The following SLC9A1 variants were observed in gnomAD, a reference collection of about 807,000 sequenced individuals.
The protein encoded by SLC9A1 is sodium/hydrogen exchanger 1.
Under a neutral mutation model 67.9 loss-of-function variants are expected in SLC9A1, and 22 were observed. The ratio of observed to expected loss-of-function variants is 0.32; its 90% CI spans 0.23 to 0.46. The LOEUF is 0.46. Ranked by LOEUF, SLC9A1 falls within the 20% of genes least tolerant of loss-of-function variation. The pLI, the probability that SLC9A1 is intolerant of heterozygous loss-of-function variation, is 1.00. For synonymous variants in SLC9A1, 421 were observed against 471.8 expected, an observed-to-expected ratio of 0.89 and a Z score of 1.40; for missense variants, 686 against 1,094.8, an observed-to-expected ratio of 0.63 and a Z score of 5.27.
At chr1:27,144,268 T>C (rs771866516) in intron 1 of SLC9A1, among the ~76,000 whole-genome samples, 2 of 152,190 alleles carry the variant, frequency 1.3e-5, no homozygotes, top group Non-Finnish European at 2.9e-5. Context: ...AGGAAAAGCT[T>C]AATTCAATTA....
At chr1:27,146,966 T>C (rs987475660) in intron 1 of SLC9A1, among the ~76,000 whole-genome samples, 3 of 151,718 alleles carry the variant, frequency 2.0e-5, no homozygotes, top group Non-Finnish European at 1.5e-5. Flanking sequence ...CGAAAACCCA[T>C]CTCTACTAAA....
At chr1:27,119,429 G>C (rs1248759358) in intron 1 of SLC9A1, among the ~76,000 whole-genome samples, 1 of 152,146 alleles carries the variant, frequency 6.6e-6, no homozygotes, top group Admixed American at 6.5e-5. Flanking sequence ...CTGCTCTGGG[G>C]CTGCAACTCG....
chr1:27,154,177 C>T lies in SLC9A1; in HGVS notation c.158G>A (p.Arg53Gln). The T allele has an allele frequency of 6.2e-7, 1 of 1,614,120 alleles. No individual in the cohort carries two copies. Among genetic ancestry groups the T allele is most frequent in the Non-Finnish European group, 8.5e-7 (1 of 1,180,002 alleles). Residue 53 changes from arginine (R) to glutamine (Q), a missense_variant, in exon 1 of 12, where the codon CGA becomes CAA. Arg to Gln is a conservative substitution (Grantham distance 43, BLOSUM62 1). This residue lies in a region of SLC9A1 where 143 missense variants were observed against 166.7 expected (regional missense o/e 0.86). Transcript: ENST00000263980. ...ASTIRSSEPP[R>Q]ERSIGDVTTA... ...GGTGACATCCCCAATCGAGCGTTCT[C>T]GTGGTGGCTCTGAGCTTCGAATGGT...
intron 1 of SLC9A1, among the ~76,000 whole-genome samples, chr1:27,131,884 G>A (rs1319289962): frequency 7.0e-6 from 1 of 143,222 alleles, no homozygotes; most frequent in Non-Finnish European, 1.5e-5. Flanking sequence ...CGGCACCACT[G>A]CATTCTAGCC....
At chr1:27,143,046 T>TAA (rs55970751) in intron 1 of SLC9A1, among the ~76,000 whole-genome samples, 1,190 of 98,386 alleles carry the variant, frequency 0.012, 12 homozygotes, top group Middle Eastern at 0.017. Flanking sequence ...ATCAACTGTG[T>TAA]AAAAAAAAAA....
rs1362046847 is a variant in SLC9A1, at chr1:27,106,343, G to A, written c.1283-256C>T. Among the ~76,000 whole-genome samples, 3 of 152,242 alleles carry A rather than the reference G, an allele frequency of 2.0e-5. No homozygotes were observed. The East Asian group carries it at 5.8e-4, about 29-fold the overall frequency. On this transcript the variant is annotated intron_variant, in intron 4 of 11. Coordinates refer to ENST00000263980, the MANE Select transcript of SLC9A1 (RefSeq NM_003047.5). The surrounding 1 kb of genome is among the most constrained non-coding windows in gnomAD (Gnocchi z 4.3). Reference sequence around the variant, plus strand: ...GAGGCCTCCAGTGGCTGGAGGGCTGGGGGCAGGAAGAGGGAGAAAAGATCA... The same window carrying A: ...GAGGCCTCCAGTGGCTGGAGGGCTGAGGGCAGGAAGAGGGAGAAAAGATCA...
intron 1 of SLC9A1, among the ~76,000 whole-genome samples, chr1:27,141,707 A>T (rs1271635628): frequency 6.6e-6 from 1 of 152,212 alleles, no homozygotes; most frequent in Non-Finnish European, 1.5e-5. Context: ...GGCAGTGCTC[A>T]GTCAGGGAAG....
At position 27,103,252 on chromosome 1, in the gene SLC9A1, G is replaced by A; in HGVS notation, c.1546C>T (p.Arg516Cys). ...LAVKKKQETK[R>C]SINEEIHTQF... ...GTGTGGATCTCTTCGTTGATGGAGC[G>A]CTTCGTCTCTTGCTTTTTCTTCACA... The change falls in exon 6 of 12, where the codon CGC (arginine) becomes TGC (cysteine). Residue 516 changes from arginine to cysteine, a missense_variant. Arg to Cys is a radical substitution (Grantham distance 180, BLOSUM62 -3). Transcript: ENST00000263980. 1.9e-6 allele frequency: 3 copies of A among 1,607,128 alleles called. No individual in the cohort carries two copies. Among genetic ancestry groups the A allele is most frequent in the South Asian group, 1.1e-5 (1 of 90,510 alleles).
At chr1:27,120,768 G>A (rs190306907) in intron 1 of SLC9A1, among the ~76,000 whole-genome samples, 25 of 152,140 alleles carry the variant, frequency 1.6e-4, no homozygotes, top group Admixed American at 8.5e-4. Context: ...CCAGCACCCA[G>A]GAGACAAACA....
chr1:27,103,992 G>C (rs967363471), intron 5 of SLC9A1: 1 of 151,688 alleles, frequency 6.6e-6, no homozygotes, highest in Admixed American at 6.6e-5. Context: ...AAAATCATTA[G>C]CACATACAAC....
Position 27,140,794 on chromosome 1 carries a change from C to T in SLC9A1, c.352+13189G>A, listed in dbSNP as rs138561242. ...TTTCAGACGATCAGTCTTGCTACTCCAGCTAGGTGGGGTAACATAACATAA... is the reference window on the plus strand; with the variant it reads ...TTTCAGACGATCAGTCTTGCTACTCTAGCTAGGTGGGGTAACATAACATAA... On this transcript the variant is annotated intron_variant, in intron 1 of 11. Coordinates refer to ENST00000263980, the MANE Select transcript of SLC9A1 (RefSeq NM_003047.5). 1.6e-3 allele frequency among the ~76,000 whole-genome samples: 239 copies of T among 152,278 alleles called. 1 individual carries two copies. The highest frequency in any genetic ancestry group is 5.3e-3 in the African/African-American group (222 of 41,554).
chr1:27,146,883 C>A (rs1166011461), intron 1 of SLC9A1, among the ~76,000 whole-genome samples: 2 of 152,160 alleles, frequency 1.3e-5, no homozygotes, highest in Non-Finnish European at 2.9e-5. Context: ...TGTCTGTAAT[C>A]CCAGCACTTT....
intron 5 of SLC9A1, 69 bp downstream of exon 5, chr1:27,105,816 C>T (rs1557738057): frequency 7.4e-7 from 1 of 1,343,930 alleles, no homozygotes; most frequent in African/African-American, 1.4e-5. Context: ...CACACGCTTT[C>T]CTCTCTTTCC....
chr1:27,117,816 G>C (rs989967410), intron 1 of SLC9A1, among the ~76,000 whole-genome samples: 1 of 152,190 alleles, frequency 6.6e-6, no homozygotes, highest in Non-Finnish European at 1.5e-5. Flanking sequence ...GTCTCAAACC[G>C]GTAGCAGAGA....
At chr1:27,103,823 C>T in intron 5 of SLC9A1, 1 of 160,614 alleles carries the variant, frequency 6.2e-6, no homozygotes, top group Non-Finnish European at 1.4e-5. Flanking sequence ...GAGGTCCTTC[C>T]ATTGTCTCTA....
intron 4 of SLC9A1, 94 bp downstream of exon 4, chr1:27,107,554 C>G: frequency 1.1e-6 from 1 of 916,282 alleles, no homozygotes; most frequent in Non-Finnish European, 1.7e-6. Context: ...CCACATAGTG[C>G]ACTGCACACA....
intron 1 of SLC9A1, among the ~76,000 whole-genome samples, chr1:27,115,379 G>A (rs941903145): frequency 3.3e-5 from 5 of 152,130 alleles, no homozygotes; most frequent in Non-Finnish European, 2.9e-5. Flanking sequence ...AGAACCCTGA[G>A]CTCCTGTGAG....
intron 1 of SLC9A1, among the ~76,000 whole-genome samples, chr1:27,133,554 T>C (rs1167686986): frequency 6.6e-6 from 1 of 152,086 alleles, no homozygotes; most frequent in African/African-American, 2.4e-5. Context: ...TTCTTGGGGA[T>C]GGGAGTGAGC....
rs1345357597 is a variant in SLC9A1 at position 27,101,405 on chromosome 1, G to A, written c.2038-130C>T. On this transcript the variant is annotated intron_variant, in intron 10 of 11. Transcript: ENST00000263980. This position sits in a 1 kb window ranked among gnomAD's most constrained non-coding sequence, Gnocchi z 4.9. ...CTTGCTCCCCCTCCCTTGTGCCTGTGTGGGCACCCGTACTGGCCCCTCAGG... is the reference window on the plus strand; with the variant it reads ...CTTGCTCCCCCTCCCTTGTGCCTGTATGGGCACCCGTACTGGCCCCTCAGG... 15 of 712,092 alleles carry A rather than the reference G, an allele frequency of 2.1e-5. 1 individual carries two copies. The highest frequency in any genetic ancestry group is 3.6e-5 in the Non-Finnish European group (15 of 411,700). The allele number at this position is 712,092 out of a possible 1,614,324, so 44.1% of individuals were successfully genotyped here.
Sources: gnomAD v4.1 joint callset for allele counts (sites outside exome capture counted in the v4.1 genomes callset) on GRCh38, gnomAD v4.1.1 for gene constraint, gnomAD v4.1.1 regional missense constraint, Gnocchi (gnomAD v3.1) non-coding constraint, MANE v1.5 for transcripts, NCBI Gene and HGNC (gene_info 2026-07-23, HGNC 2026-07-21) for gene names.